The following DNER variants were observed in gnomAD, a reference collection of about 807,000 sequenced individuals.
The protein encoded by DNER is delta and Notch-like epidermal growth factor-related receptor.
A neutral mutation model predicts 78.2 loss-of-function variants in DNER; 33 were observed. The ratio of observed to expected loss-of-function variants is 0.42; its 90% CI spans 0.32 to 0.56. The LOEUF (loss-of-function observed/expected upper bound fraction) is 0.56, where lower values mean the gene tolerates loss of function less well. Among genes scored for constraint, DNER ranks in the 20% least tolerant of loss-of-function variants. DNER has a pLI of 0.11. For synonymous variants in DNER, 417 were observed against 384.8 expected (o/e 1.08, Z -0.98); for missense variants, 918 against 975.3 (o/e 0.94, Z 0.78).
intron 1 of DNER, among the ~76,000 whole-genome samples, chr2:229,673,567 G>A: frequency 6.6e-6 from 1 of 152,184 alleles, no homozygotes; most frequent in East Asian, 1.9e-4. Context: ...CAGATACACT[G>A]CCTGTGCTTT....
intron 9 of DNER, among the ~76,000 whole-genome samples, chr2:229,410,712 A>G (rs7574590): frequency 1 from 152,376 of 152,382 alleles, 76,185 homozygotes; most frequent in Non-Finnish European, 1. Context: ...TTCCAACAGC[A>G]TTCTTTACAG....
At position 229,585,874 on chromosome 2, in the gene DNER, C is replaced by T; in HGVS notation, c.831G>A (p.Gly277=). 6.2e-7 allele frequency: 1 copy of T among 1,613,680 alleles called. No homozygotes were observed. The highest frequency in any genetic ancestry group is 1.1e-5 in the South Asian group (1 of 91,018). The part of the protein sequence containing the change: ...LVLLEEMLAL[G]NNHFIGFVND... ...GTAACTCACCAATAAAGTGATTATTCCCCAAGGCGAGCATCTCCTCCAGGA... is the reference window on the plus strand; with the variant it reads ...GTAACTCACCAATAAAGTGATTATTTCCCAAGGCGAGCATCTCCTCCAGGA... The change falls in exon 4 of 13, where the codon GGG becomes GGA. Residue 277 remains glycine, a synonymous_variant. Coordinates refer to ENST00000341772, the MANE Select transcript of DNER (RefSeq NM_139072.4).
intron 1 of DNER, among the ~76,000 whole-genome samples, chr2:229,711,363 G>A (rs1395979100): frequency 6.6e-6 from 1 of 152,162 alleles, no homozygotes; most frequent in Non-Finnish European, 1.5e-5. Context: ...TCCCATCGTT[G>A]AAGATGAGGA....
chr2:229,697,914 G>T (rs996606196), intron 1 of DNER, among the ~76,000 whole-genome samples: 7 of 152,182 alleles, frequency 4.6e-5, no homozygotes, highest in African/African-American at 1.7e-4. Flanking sequence ...GCAGGGCTGG[G>T]CACATTGGTT....
chr2:229,401,408 A>G (rs1693263622), intron 10 of DNER, among the ~76,000 whole-genome samples: 1 of 152,128 alleles, frequency 6.6e-6, no homozygotes, highest in Non-Finnish European at 1.5e-5. Context: ...TAATAGCTGA[A>G]AACTGAAAAC....
At chr2:229,477,496 A>G (rs113052454) in intron 6 of DNER, among the ~76,000 whole-genome samples, 63 of 152,356 alleles carry the variant, frequency 4.1e-4, no homozygotes, top group Non-Finnish European at 2.9e-4. Context: ...AGAAGACCAC[A>G]TTTCTTCGGC....
At chr2:229,552,128 AG>A (rs1269497848) in intron 4 of DNER, among the ~76,000 whole-genome samples, 1 of 152,154 alleles carries the variant, frequency 6.6e-6, no homozygotes, top group Non-Finnish European at 1.5e-5. Flanking sequence ...ACCTTTGAGA[AG>A]GCTGTGAAGA....
intron 1 of DNER, among the ~76,000 whole-genome samples, chr2:229,647,130 G>A (rs904039824): frequency 3.3e-5 from 5 of 152,190 alleles, no homozygotes; most frequent in African/African-American, 7.2e-5. Context: ...TTGCACCACT[G>A]CACTCCAGCC....
intron 6 of DNER, among the ~76,000 whole-genome samples, chr2:229,512,087 G>A (rs1003166228): frequency 3.3e-5 from 5 of 152,150 alleles, no homozygotes; most frequent in African/African-American, 1.2e-4. Flanking sequence ...TCAGCCATAA[G>A]AAGGAATGAA....
At chr2:229,693,554 A>T (rs2193220) in intron 1 of DNER, among the ~76,000 whole-genome samples, 127,713 of 151,986 alleles carry the variant, frequency 0.84, 53,906 homozygotes, top group East Asian at 0.94. Flanking sequence ...GACTAAAATG[A>T]TAATAGTGAT....
At chr2:229,368,929 G>A (rs1692412913) in intron 11 of DNER, among the ~76,000 whole-genome samples, 1 of 152,124 alleles carries the variant, frequency 6.6e-6, no homozygotes, top group Non-Finnish European at 1.5e-5. Flanking sequence ...AAATAAGAAT[G>A]TATTCCTTTT....
intron 1 of DNER, among the ~76,000 whole-genome samples, chr2:229,634,038 T>C (rs1361004965): frequency 6.6e-6 from 1 of 152,214 alleles, no homozygotes; most frequent in African/African-American, 2.4e-5. Flanking sequence ...TTATGTAGGC[T>C]GGCACCCAGC....
At chr2:229,610,114 A>G (rs1454701524) in intron 1 of DNER, among the ~76,000 whole-genome samples, 1 of 152,224 alleles carries the variant, frequency 6.6e-6, no homozygotes, top group Non-Finnish European at 1.5e-5. Flanking sequence ...CCCTGGTACC[A>G]TTTGTTTTGA....
At chr2:229,666,956 T>C (rs976325250) in intron 1 of DNER, among the ~76,000 whole-genome samples, 1 of 152,210 alleles carries the variant, frequency 6.6e-6, no homozygotes, top group Non-Finnish European at 1.5e-5. Flanking sequence ...ATCCTGTCCC[T>C]CTGCAGATGA....
rs371713444 is a variant in DNER at position 229,393,963 on chromosome 2, C to T, written c.1724-5567G>A. 2.0e-4 allele frequency among the ~76,000 whole-genome samples: 31 copies of T among 152,220 alleles called. 1 individual carries two copies. The highest frequency in any genetic ancestry group is 6.5e-4 in the African/African-American group (27 of 41,528). On this transcript the variant is annotated intron_variant, in intron 10 of 12. Coordinates refer to ENST00000341772, the MANE Select transcript of DNER (RefSeq NM_139072.4). ...AGAATCCTAGAGAAAGGATATGAGG[C>T]CAAAAATAATATTTAATAAATTAAT...
At chr2:229,511,277 A>C (rs1695859209) in intron 6 of DNER, among the ~76,000 whole-genome samples, 1 of 152,234 alleles carries the variant, frequency 6.6e-6, no homozygotes, top group Non-Finnish European at 1.5e-5. Flanking sequence ...TCAGTTTTGC[A>C]CATTATTTTA....
In DNER at chr2:229,470,805, G is replaced by A. The variant is rs572052408; in HGVS notation, c.1261+6335C>T. ...GCGGAGGTTACAGTGAGCCAAGATC[G>A]TGCCATTGGACTCCAGCCTGGGCAA... On this transcript the variant is annotated intron_variant, in intron 7 of 12. Coordinates refer to ENST00000341772, the MANE Select transcript of DNER (RefSeq NM_139072.4). Among the ~76,000 whole-genome samples the A allele has an allele frequency of 3.8e-4, 58 of 152,250 alleles. 1 individual carries two copies. The highest frequency in any genetic ancestry group is 1.3e-3 in the African/African-American group (54 of 41,564).
intron 10 of DNER, among the ~76,000 whole-genome samples, chr2:229,390,272 C>A (rs1692985879): frequency 6.6e-6 from 1 of 152,238 alleles, no homozygotes; most frequent in Admixed American, 6.5e-5. Flanking sequence ...CATTTCCCTA[C>A]TGCTATGGTC....
intron 4 of DNER, among the ~76,000 whole-genome samples, chr2:229,550,776 A>AAAATAAATAAATAAAT (rs113610938): frequency 2.0e-5 from 3 of 152,064 alleles, no homozygotes; most frequent in African/African-American, 7.3e-5. Flanking sequence ...TCTGTCTCAA[A>AAAATAAATAAATAAAT]AAATAAATAA....
Sources: gnomAD v4.1 joint callset for allele counts (sites outside exome capture counted in the v4.1 genomes callset) on GRCh38, gnomAD v4.1.1 for gene constraint, MANE v1.5 for transcripts, NCBI Gene and HGNC (gene_info 2026-07-23, HGNC 2026-07-21) for gene names.